The following PIEZO2 variants were observed in gnomAD, a reference collection of about 807,000 sequenced individuals.
The protein encoded by PIEZO2 is piezo-type mechanosensitive ion channel component 2.
In PIEZO2, 172 loss-of-function variants were observed where a neutral mutation model predicts 337.3. That is an observed-to-expected ratio of 0.51 (90% CI 0.45 to 0.58). The LOEUF (loss-of-function observed/expected upper bound fraction) is 0.58. Among genes scored for constraint, PIEZO2 ranks in the 20% least tolerant of loss-of-function variants. The probability of loss-of-function intolerance (pLI) is 0.00; values close to 1 mark genes in which losing one functional copy is unlikely to be tolerated. For missense variants in PIEZO2, 3,028 were observed against 3,391.3 expected, an observed-to-expected ratio of 0.89 and a Z score of 2.66; for synonymous variants, 1,251 against 1,228.5, an observed-to-expected ratio of 1.02 and a Z score of -0.38.
Position 10,726,744 on chromosome 18 carries a change from C to G in PIEZO2, c.5029+4663G>C, listed in dbSNP as rs1428962039. The G allele has an allele frequency of 6.8e-7, 1 of 1,465,552 alleles. No individual in the cohort carries two copies. The highest frequency in any genetic ancestry group is 9.5e-7 in the Non-Finnish European group (1 of 1,048,872). The allele number at this position is 1,465,552 out of a possible 1,614,324, so 90.8% of individuals were successfully genotyped here. On this transcript the variant is annotated intron_variant, in intron 36 of 55. Coordinates refer to ENST00000674853, the MANE Select transcript of PIEZO2 (RefSeq NM_001378183.1). This position sits in a 1 kb window ranked among gnomAD's most constrained non-coding sequence, Gnocchi z 5.9. ...GCATTCTGGGACATCGCCAGACCAT[C>G]GATTTCCCGCTGCTGACCTCACTGG...
rs182395727 is a variant in PIEZO2 at position 10,985,593 on chromosome 18, G to A, written c.161-5933C>T. Among the ~76,000 whole-genome samples, 23 of 152,054 alleles carry A rather than the reference G, an allele frequency of 1.5e-4. No individual in the cohort carries two copies. In the South Asian group the frequency reaches 2.5e-3, roughly 16 times the overall value. ...ATGGTGTTTTAATTACTATAGCTTC[G>A]TAATACAATTTGAAATCAGGAAGTG... is the stretch of plus-strand genomic sequence containing the variant. On this transcript the variant is annotated intron_variant, in intron 2 of 55. Transcript: ENST00000674853.
At chr18:10,919,467 A>G (rs2031240509) in intron 3 of PIEZO2, among the ~76,000 whole-genome samples, 1 of 152,074 alleles carries the variant, frequency 6.6e-6, no homozygotes, top group African/African-American at 2.4e-5. Context: ...AAATACGTCA[A>G]CTCAAGAAGG....
chr18:11,003,873 T>C lies in PIEZO2; in HGVS notation c.161-24213A>G, dbSNP rs575446149. ...TCATTGACATTGGAACAAAACAATA[T>C]TCAACTACATTTTTCAGGGACCTGC... On this transcript the variant is annotated intron_variant, in intron 2 of 55. Coordinates refer to ENST00000674853, the MANE Select transcript of PIEZO2 (RefSeq NM_001378183.1). This position sits in a 1 kb window ranked among gnomAD's most constrained non-coding sequence, Gnocchi z 4.6. Among the ~76,000 whole-genome samples the C allele has an allele frequency of 6.6e-5, 10 of 152,336 alleles. No homozygotes were observed. The highest frequency in any genetic ancestry group is 2.4e-4 in the African/African-American group (10 of 41,572).
At chr18:10,842,374 G>A (rs1261776768) in intron 7 of PIEZO2, among the ~76,000 whole-genome samples, 2 of 152,148 alleles carry the variant, frequency 1.3e-5, no homozygotes, top group Non-Finnish European at 2.9e-5. Context: ...TGGGTCACGG[G>A]AGCAGATCAC....
intron 52 of PIEZO2, among the ~76,000 whole-genome samples, chr18:10,679,188 T>C (rs908850382): frequency 8.5e-5 from 13 of 152,058 alleles, no homozygotes; most frequent in African/African-American, 3.1e-4. Context: ...CCCACCTCAG[T>C]CTCCCAAAGT....
intron 3 of PIEZO2, among the ~76,000 whole-genome samples, chr18:10,913,034 G>A (rs1368901311): frequency 6.6e-6 from 1 of 151,424 alleles, no homozygotes; most frequent in Non-Finnish European, 1.5e-5. Context: ...CCAGGGGAGT[G>A]GGTCCCATGT....
At position 11,099,139 on chromosome 18, in the gene PIEZO2, G is replaced by C. The variant is rs1487770752; in HGVS notation, c.65-32917C>G. 1.3e-5 allele frequency among the ~76,000 whole-genome samples: 2 copies of C among 152,032 alleles called. No individual in the cohort carries two copies. Among genetic ancestry groups the C allele is most frequent in the Admixed American group, 6.6e-5 (1 of 15,258 alleles). On this transcript the variant is annotated intron_variant, in intron 1 of 55. Coordinates refer to ENST00000674853, the MANE Select transcript of PIEZO2 (RefSeq NM_001378183.1). This position sits in a 1 kb window ranked among gnomAD's most constrained non-coding sequence, Gnocchi z 5.4. ...ACTGCAGATTTTTCATAGTTAACAT[G>C]AATTATTTAACCAATTCCCTGACTG...
At chr18:10,918,034 A>G (rs1457459136) in intron 3 of PIEZO2, among the ~76,000 whole-genome samples, 2 of 152,222 alleles carry the variant, frequency 1.3e-5, no homozygotes, top group Non-Finnish European at 2.9e-5. Context: ...GTGACATTTT[A>G]CTTTGCCAAT....
chr18:10,749,997 T>C (rs888282730), intron 29 of PIEZO2, 94 bp downstream of exon 29: 4 of 914,104 alleles, frequency 4.4e-6, no homozygotes, highest in East Asian at 2.6e-5. Flanking sequence ...CACTTTTATA[T>C]CTTTATGTGC....
chr18:10,936,201 T>C (rs2032382318), intron 3 of PIEZO2, among the ~76,000 whole-genome samples: 5 of 152,246 alleles, frequency 3.3e-5, no homozygotes, highest in Admixed American at 3.3e-4. Flanking sequence ...AAAGCATGAA[T>C]GCCTCTCCTT....
At chr18:10,990,976 T>C (rs541472936) in intron 2 of PIEZO2, among the ~76,000 whole-genome samples, 2 of 152,202 alleles carry the variant, frequency 1.3e-5, no homozygotes, top group East Asian at 3.9e-4. Context: ...ATTTTATTTT[T>C]TGTAGTATAT....
chr18:11,046,700 T>C (rs764536225), intron 2 of PIEZO2, among the ~76,000 whole-genome samples: 1 of 152,192 alleles, frequency 6.6e-6, no homozygotes, highest in Non-Finnish European at 1.5e-5. Context: ...TAACTCTCAA[T>C]ACAGGATAAA....
chr18:10,812,035 G>T (rs568689605), intron 7 of PIEZO2, among the ~76,000 whole-genome samples: 3 of 152,114 alleles, frequency 2.0e-5, no homozygotes, highest in African/African-American at 7.2e-5. Flanking sequence ...GGGTTTCACC[G>T]TGTTAGCCAG....
intron 7 of PIEZO2, among the ~76,000 whole-genome samples, chr18:10,826,371 G>C (rs2040678231): frequency 6.6e-6 from 1 of 152,150 alleles, no homozygotes; most frequent in African/African-American, 2.4e-5. Context: ...TATTGTTCTA[G>C]CCTTCCCTTG....
chr18:10,959,794 G>A (rs941321930), intron 3 of PIEZO2, among the ~76,000 whole-genome samples: 8 of 151,976 alleles, frequency 5.3e-5, no homozygotes, highest in African/African-American at 9.7e-5. Context: ...TATTTAACAC[G>A]CCTATAATAA....
In PIEZO2 at chr18:10,752,708, C is replaced by T. The variant is rs1196872626; in HGVS notation, c.4095G>A (p.Lys1365=). 5 of 1,537,238 alleles carry T rather than the reference C, an allele frequency of 3.3e-6. No homozygotes were observed. The South Asian group carries it at 5.9e-5, about 18-fold the overall frequency. The change falls in exon 28 of 56, where the codon AAG becomes AAA. Residue 1365 remains lysine, a synonymous_variant. Transcript: ENST00000674853. ...FGGDLLLKPI[K]SILRYWDWLI... ...GCCAGTCCCAGTAGCGCAGGATGCTCTTGATGGGTTTCAACAGCAAATCGC... is the reference window on the plus strand; with the variant it reads ...GCCAGTCCCAGTAGCGCAGGATGCTTTTGATGGGTTTCAACAGCAAATCGC...
At chr18:10,698,389 C>T (rs1038790238) in intron 44 of PIEZO2, among the ~76,000 whole-genome samples, 5 of 151,882 alleles carry the variant, frequency 3.3e-5, no homozygotes, top group African/African-American at 1.2e-4. Flanking sequence ...CCCATAATTA[C>T]AAAAGCTTCA....
chr18:10,704,503 G>A lies in PIEZO2; in HGVS notation c.6149C>T (p.Ser2050Phe). The A allele has an allele frequency of 6.5e-7, 1 of 1,537,274 alleles. No individual in the cohort carries two copies. The highest frequency in any genetic ancestry group is 8.7e-7 in the Non-Finnish European group (1 of 1,146,920). ...YFVIILNHMV[S>F]ASMITLLLPI... ...AAGCAGGAGCGTGATCATGGAGGCA[G>A]AGACCATGTGGTTGAGGATGATCAC... The change falls in exon 42 of 56, where the codon TCT (serine) becomes TTT (phenylalanine). Residue 2050 changes from serine (S) to phenylalanine (F), a missense_variant. Physicochemically the swap from Ser to Phe is radical, Grantham distance 155 (BLOSUM62 -2). Coordinates refer to ENST00000674853, the MANE Select transcript of PIEZO2 (RefSeq NM_001378183.1).
At chr18:10,699,684 C>T (rs1348016980) in intron 43 of PIEZO2, among the ~76,000 whole-genome samples, 3 of 151,564 alleles carry the variant, frequency 2.0e-5, no homozygotes, top group Non-Finnish European at 4.4e-5. Flanking sequence ...ATGAGGGTCC[C>T]AGTAGGGAAG....
Sources: allele counts gnomAD v4.1 joint callset (sites outside exome capture counted in the v4.1 genomes callset), GRCh38; gene constraint gnomAD v4.1.1; non-coding constraint Gnocchi (gnomAD v3.1); transcripts MANE v1.5; gene names NCBI Gene and HGNC (gene_info 2026-07-23, HGNC 2026-07-21).